Variants in CRYL1 observed in about 807,000 individuals in gnomAD.
The protein encoded by CRYL1 is crystallin lambda 1, also known as lambda-crystallin homolog.
Under a neutral mutation model 36.6 loss-of-function variants are expected in CRYL1, and 29 were observed. The observed-to-expected ratio is 0.79, with a 90% confidence interval of 0.59 to 1.08. CRYL1 has a LOEUF of 1.08. CRYL1 is among the 50% of genes least tolerant of loss of function. The pLI is 0.00. For missense variants in CRYL1, 411 were observed against 407.9 expected (o/e 1.01, Z -0.06); for synonymous variants, 152 against 151.5 (o/e 1.00, Z -0.02).
At chr13:20,432,032 C>T (rs1427989791) in intron 5 of CRYL1, 70 bp downstream of exon 5, 1 of 1,610,334 alleles carries the variant, frequency 6.2e-7, no homozygotes, top group Admixed American at 1.7e-5. Context: ...CTGTCCTGCT[C>T]AACTTTGAGA....
intron 6 of CRYL1, among the ~76,000 whole-genome samples, chr13:20,410,779 G>C (rs924445193): frequency 2.0e-5 from 3 of 152,276 alleles, no homozygotes; most frequent in Admixed American, 2.0e-4. Flanking sequence ...CCCTGAGGAA[G>C]CAGTTACTGT....
chr13:20,457,968 T>C (rs2032725569), intron 3 of CRYL1, among the ~76,000 whole-genome samples: 1 of 152,282 alleles, frequency 6.6e-6, no homozygotes, highest in East Asian at 1.9e-4. Context: ...AAGCCAGGTT[T>C]TCAACGTTAG....
chr13:20,404,139 T>C lies in CRYL1; in HGVS notation c.950A>G (p.Gln317Arg). Reference sequence around the variant, plus strand: ...TGCATTACAAGAAATTCACTGGGGCTGCACTTGACTCTTCAACTTGGCGAG... The same window carrying C: ...TGCATTACAAGAAATTCACTGGGGCCGCACTTGACTCTTCAACTTGGCGAG... ...MRLAKLKSQV[Q>R]PQ The change falls in exon 8 of 8, where the codon CAG (glutamine) becomes CGG (arginine). Residue 317 changes from glutamine (Q) to arginine (R), a missense_variant. Gln to Arg is a conservative substitution (Grantham distance 43). Transcript: ENST00000298248. The C allele has an allele frequency of 6.2e-7, 1 of 1,612,548 alleles. No homozygotes were observed. Among genetic ancestry groups the C allele is most frequent in the Non-Finnish European group, 8.5e-7 (1 of 1,178,610 alleles).
intron 3 of CRYL1, among the ~76,000 whole-genome samples, chr13:20,441,010 A>G (rs548384503): frequency 6.6e-6 from 1 of 152,172 alleles, no homozygotes; most frequent in Non-Finnish European, 1.5e-5. Context: ...ACCAGGTGGA[A>G]GACGCAAGAG....
intron 3 of CRYL1, among the ~76,000 whole-genome samples, chr13:20,476,151 A>G (rs1273008500): frequency 6.6e-6 from 1 of 152,184 alleles, no homozygotes; most frequent in Non-Finnish European, 1.5e-5. Flanking sequence ...TCCCACACAC[A>G]AATGTGCAAT....
At chr13:20,460,208 A>G (rs1267264422) in intron 3 of CRYL1, among the ~76,000 whole-genome samples, 1 of 152,200 alleles carries the variant, frequency 6.6e-6, no homozygotes, top group Non-Finnish European at 1.5e-5. Flanking sequence ...TGTTATGACC[A>G]ACAATACTGT....
rs142381464 is a variant in CRYL1, at chr13:20,474,256, G to T, written c.276+15114C>A. 3.0e-3 allele frequency among the ~76,000 whole-genome samples: 460 copies of T among 152,272 alleles called. 2 individuals carry two copies. The highest frequency in any genetic ancestry group is 0.011 in the African/African-American group (448 of 41,558). ...CAGCCATCATAGTGGCCTTTAAAGG[G>T]CTCACTAGGTATCTCGGAGGAAACC... On this transcript the variant is annotated intron_variant, in intron 3 of 7. Transcript: ENST00000298248.
chr13:20,477,868 A>G (rs537424367), intron 3 of CRYL1, among the ~76,000 whole-genome samples: 1 of 108,794 alleles, frequency 9.2e-6, no homozygotes, highest in South Asian at 3.1e-4. Context: ...AATATATATT[A>G]TATGATAATA....
intron 3 of CRYL1, among the ~76,000 whole-genome samples, chr13:20,445,257 T>C (rs932614675): frequency 6.6e-6 from 1 of 152,234 alleles, no homozygotes; most frequent in Non-Finnish European, 1.5e-5. Context: ...GAGGTAACTG[T>C]TTATTTCAAA....
rs1407360053 is a variant in CRYL1, at chr13:20,439,707, C to A, written c.324G>T (p.Gln108His). Residue 108 changes from glutamine (Q) to histidine (H), a missense_variant, in exon 4 of 8, where the codon CAG (glutamine) becomes CAT (histidine). Transcript: ENST00000298248. The stretch of plus-strand genomic sequence containing the variant: ...CTCGATCATCAATGATGGAATCTAA[C>A]TGAGCAAAAATCTTCTTCTTCAGTT... ...DLELKKKIFA[Q>H]LDSIIDDRVI... 1 of 1,613,900 alleles carries A rather than the reference C, an allele frequency of 6.2e-7. No individual in the cohort carries two copies. Among genetic ancestry groups the A allele is most frequent in the African/African-American group, 1.3e-5 (1 of 74,878 alleles).
intron 3 of CRYL1, among the ~76,000 whole-genome samples, chr13:20,443,922 G>T (rs1399290078): frequency 6.6e-6 from 1 of 152,182 alleles, no homozygotes. Flanking sequence ...ATAGCAAAAG[G>T]AAATCCACTC....
intron 1 of CRYL1, among the ~76,000 whole-genome samples, chr13:20,517,298 T>C (rs1482490671): frequency 6.6e-6 from 1 of 152,138 alleles, no homozygotes; most frequent in Non-Finnish European, 1.5e-5. Context: ...GCAAATTGTT[T>C]TTGGATTTTG....
At chr13:20,441,273 C>T (rs73443940) in intron 3 of CRYL1, among the ~76,000 whole-genome samples, 10,911 of 152,214 alleles carry the variant, frequency 0.072, 1,313 homozygotes, top group African/African-American at 0.25. Flanking sequence ...GCTTCCATCC[C>T]GGACCTGCTG....
At chr13:20,497,646 CAT>C (rs1374763967) in intron 2 of CRYL1, among the ~76,000 whole-genome samples, 2 of 150,828 alleles carry the variant, frequency 1.3e-5, no homozygotes, top group Non-Finnish European at 3.0e-5. Flanking sequence ...TACACCACCA[CAT>C]ACACACACTA....
intron 4 of CRYL1, among the ~76,000 whole-genome samples, chr13:20,436,958 C>G (rs754794879): frequency 6.6e-6 from 1 of 151,996 alleles, no homozygotes; most frequent in African/African-American, 2.4e-5. Flanking sequence ...GGTCTTGATT[C>G]TGTAGGGACT....
chr13:20,508,173 G>A (rs1216440150), intron 2 of CRYL1, among the ~76,000 whole-genome samples: 1 of 152,096 alleles, frequency 6.6e-6, no homozygotes, highest in Non-Finnish European at 1.5e-5. Context: ...AGGCTGCAGT[G>A]AGCCAAGATC....
intron 3 of CRYL1, among the ~76,000 whole-genome samples, chr13:20,485,192 T>C (rs958335074): frequency 2.0e-5 from 3 of 152,152 alleles, no homozygotes; most frequent in African/African-American, 7.2e-5. Flanking sequence ...TAATGTTTTG[T>C]ATTTTTAGTA....
chr13:20,410,247 T>C (rs1427415910), intron 6 of CRYL1, among the ~76,000 whole-genome samples: 1 of 147,534 alleles, frequency 6.8e-6, no homozygotes, highest in African/African-American at 2.5e-5. Flanking sequence ...ATGGATGAAA[T>C]TGGAAATCAT....
intron 3 of CRYL1, chr13:20,439,993 A>C: frequency 2.4e-6 from 1 of 423,482 alleles, no homozygotes; most frequent in South Asian, 3.5e-5. Flanking sequence ...TGCCCTTCCC[A>C]TGAAGCAGGG....
Sources: gnomAD v4.1 joint callset for allele counts (sites outside exome capture counted in the v4.1 genomes callset) on GRCh38, gnomAD v4.1.1 for gene constraint, MANE v1.5 for transcripts, NCBI Gene and HGNC (gene_info 2026-07-23, HGNC 2026-07-21) for gene names.